Variants in ASCC3 observed in about 807,000 individuals in gnomAD.
The protein encoded by ASCC3 is ASC-1 complex subunit P200.
In ASCC3, 158 loss-of-function variants were observed where a neutral mutation model predicts 256.3. That is an observed-to-expected ratio of 0.62 (90% CI 0.54 to 0.70). The LOEUF is 0.70. Among genes scored for constraint, ASCC3 ranks in the 30% least tolerant of loss-of-function variants. The probability of loss-of-function intolerance (pLI) is 0.00; values close to 1 mark genes in which losing one functional copy is unlikely to be tolerated. For synonymous variants in ASCC3, 948 were observed against 883.4 expected (o/e 1.07, Z -1.30); for missense variants, 2,259 against 2,626.0 (o/e 0.86, Z 3.05).
chr6:100,745,306 G>A (rs1351745127), intron 10 of ASCC3, among the ~76,000 whole-genome samples: 2 of 151,688 alleles, frequency 1.3e-5, no homozygotes, highest in Non-Finnish European at 2.9e-5. Flanking sequence ...CAGCCTGGGT[G>A]ACAGAGCGAG....
At chr6:100,668,951 C>G (rs947680695) in intron 14 of ASCC3, among the ~76,000 whole-genome samples, 1 of 151,536 alleles carries the variant, frequency 6.6e-6, no homozygotes, top group African/African-American at 2.4e-5. Flanking sequence ...TGTTTGGTAT[C>G]AGTCTATTGA....
intron 36 of ASCC3, among the ~76,000 whole-genome samples, chr6:100,576,603 T>C (rs1770875179): frequency 6.6e-6 from 1 of 152,054 alleles, no homozygotes; most frequent in African/African-American, 2.4e-5. Flanking sequence ...ACACTTAACT[T>C]GAAGGGTTAT....
intron 11 of ASCC3, among the ~76,000 whole-genome samples, chr6:100,722,430 C>G (rs1216918289): frequency 6.6e-6 from 1 of 151,520 alleles, no homozygotes; most frequent in Non-Finnish European, 1.5e-5. Flanking sequence ...TGCACATGTA[C>G]CCCTGAATCT....
Position 100,603,500 on chromosome 6 carries a change from T to C in ASCC3, c.5178-1565A>G, listed in dbSNP as rs139406519. Among the ~76,000 whole-genome samples the C allele has an allele frequency of 6.7e-3, 1,025 of 152,212 alleles. 15 individuals carry two copies. The highest frequency in any genetic ancestry group is 0.024 in the African/African-American group (977 of 41,548). On this transcript the variant is annotated intron_variant, in intron 33 of 41. Coordinates refer to ENST00000369162, the MANE Select transcript of ASCC3 (RefSeq NM_006828.4). ...GTAGCTCAATGCTTACTGGAAGAAG[T>C]GACAGCAAAATCCCTCTATCATTTC...
chr6:100,754,554 G>T (rs1000472950), intron 10 of ASCC3, among the ~76,000 whole-genome samples: 1 of 152,002 alleles, frequency 6.6e-6, no homozygotes, highest in Non-Finnish European at 1.5e-5. Context: ...CAAATAGTAG[G>T]TCTTATTCAT....
intron 14 of ASCC3, among the ~76,000 whole-genome samples, chr6:100,676,783 C>A (rs1053686246): frequency 1.2e-4 from 18 of 145,318 alleles, no homozygotes; most frequent in African/African-American, 4.4e-4. Flanking sequence ...CACACACACA[C>A]AAAAGGAGGA....
intron 4 of ASCC3, among the ~76,000 whole-genome samples, chr6:100,838,756 A>G (rs904040960): frequency 2.0e-5 from 3 of 152,084 alleles, no homozygotes; most frequent in Non-Finnish European, 2.9e-5. Flanking sequence ...TTTCATGTAT[A>G]TGGCAAATTG....
intron 30 of ASCC3, 62 bp from the exon 31 acceptor site, chr6:100,607,150 T>A (rs1772936647): frequency 5.8e-6 from 9 of 1,539,208 alleles, no homozygotes; most frequent in Non-Finnish European, 8.1e-6. Context: ...CATTAATTTT[T>A]CATGTTTCAA....
At chr6:100,518,387 G>C (rs1474314894) in intron 37 of ASCC3, among the ~76,000 whole-genome samples, 3 of 151,992 alleles carry the variant, frequency 2.0e-5, no homozygotes. Context: ...TAGGGCAGCA[G>C]GGCTAGCTAC....
intron 14 of ASCC3, among the ~76,000 whole-genome samples, chr6:100,670,309 C>T (rs1016432514): frequency 3.3e-5 from 5 of 151,800 alleles, no homozygotes; most frequent in Non-Finnish European, 5.9e-5. Context: ...CCATGGTATC[C>T]ATGGGGGATT....
chr6:100,795,206 A>AG (rs1460059042), intron 8 of ASCC3, among the ~76,000 whole-genome samples: 1 of 151,578 alleles, frequency 6.6e-6, no homozygotes, highest in East Asian at 2.0e-4. Flanking sequence ...GAAAAAAAAA[A>AG]CCCATTGCTT....
intron 16 of ASCC3, among the ~76,000 whole-genome samples, chr6:100,659,956 T>C (rs549286994): frequency 1.5e-5 from 1 of 67,866 alleles, no homozygotes; most frequent in South Asian, 3.4e-4. Context: ...TGCAAACACC[T>C]TGTCCTTGGA....
chr6:100,561,219 C>G (rs535640667), intron 36 of ASCC3, among the ~76,000 whole-genome samples: 1 of 151,812 alleles, frequency 6.6e-6, no homozygotes, highest in African/African-American at 2.4e-5. Flanking sequence ...CTCTCTAGCA[C>G]GTTAATATAT....
intron 13 of ASCC3, among the ~76,000 whole-genome samples, chr6:100,682,011 C>A (rs563239169): frequency 6.6e-6 from 1 of 152,136 alleles, no homozygotes; most frequent in Non-Finnish European, 1.5e-5. Flanking sequence ...TAATGCCCTG[C>A]TGAAGATTCA....
At chr6:100,790,666 A>G (rs1197743985) in intron 8 of ASCC3, among the ~76,000 whole-genome samples, 2 of 151,952 alleles carry the variant, frequency 1.3e-5, no homozygotes, top group African/African-American at 2.4e-5. Context: ...AATTCATTCA[A>G]GTTGAAAAGT....
intron 37 of ASCC3, 106 bp from the exon 38 acceptor site, chr6:100,518,248 G>T: frequency 8.1e-7 from 1 of 1,234,146 alleles, no homozygotes; most frequent in Non-Finnish European, 1.2e-6. Flanking sequence ...ACCAAGCATT[G>T]TATCTCTAAA....
chr6:100,719,905 T>C (rs962182799), intron 11 of ASCC3, among the ~76,000 whole-genome samples: 5 of 152,008 alleles, frequency 3.3e-5, no homozygotes, highest in Non-Finnish European at 7.4e-5. Context: ...TTAAGATTTC[T>C]TAGACTTTTA....
chr6:100,840,290 A>G (rs1357697927), intron 4 of ASCC3, among the ~76,000 whole-genome samples: 1 of 152,106 alleles, frequency 6.6e-6, no homozygotes, highest in African/African-American at 2.4e-5. Context: ...AGTACATTCA[A>G]AAAGTTTATA....
At chr6:100,641,026 C>T (rs1046502314) in intron 24 of ASCC3, among the ~76,000 whole-genome samples, 1 of 151,924 alleles carries the variant, frequency 6.6e-6, no homozygotes, top group Non-Finnish European at 1.5e-5. Context: ...AATTAAGGCC[C>T]TCTTAAAATC....
Sources: allele counts gnomAD v4.1 joint callset (sites outside exome capture counted in the v4.1 genomes callset), GRCh38; gene constraint gnomAD v4.1.1; transcripts MANE v1.5; gene names NCBI Gene and HGNC (gene_info 2026-07-23, HGNC 2026-07-21).